Variants in G3BP1 observed in about 807,000 individuals in gnomAD.
The protein encoded by G3BP1 is ras GTPase-activating protein-binding protein 1.
G3BP1 carries 35 observed loss-of-function variants against 58.6 expected under a neutral mutation model. That is an observed-to-expected ratio of 0.60 (90% CI 0.46 to 0.79). The LOEUF (loss-of-function observed/expected upper bound fraction) is 0.79, where lower values mean the gene tolerates loss of function less well. Ranked by LOEUF, G3BP1 falls within the 30% of genes least tolerant of loss-of-function variation. The probability of loss-of-function intolerance (pLI) is 0.00; values close to 1 mark genes in which losing one functional copy is unlikely to be tolerated. For synonymous variants in G3BP1, 191 were observed against 195.4 expected (o/e 0.98, Z 0.19); for missense variants, 523 against 580.8 (o/e 0.90, Z 1.02).
chr5:151,796,662 A>AC (rs2113242884), intron 6 of G3BP1, among the ~76,000 whole-genome samples: 2 of 152,296 alleles, frequency 1.3e-5, no homozygotes, highest in Non-Finnish European at 2.9e-5. Context: ...TATGTGCTTG[A>AC]AAGAGTTTTT....
At chr5:151,801,713 C>T (rs1762852952) in intron 11 of G3BP1, among the ~76,000 whole-genome samples, 1 of 152,148 alleles carries the variant, frequency 6.6e-6, no homozygotes. Context: ...GCTTTCTGTC[C>T]CTATGAATTA....
At chr5:151,800,027 G>A (rs772606982) in intron 9 of G3BP1, 27 bp downstream of exon 9, 71 of 1,446,786 alleles carry the variant, frequency 4.9e-5, no homozygotes, top group Non-Finnish European at 6.5e-5. Context: ...GCGATTTCTC[G>A]TTTGGGGGAT....
Position 151,800,419 on chromosome 5 carries a change from A to G in G3BP1, c.1084+73A>G, listed in dbSNP as rs549223894. 16 of 1,073,528 alleles carry G rather than the reference A, an allele frequency of 1.5e-5. No individual in the cohort carries two copies. In the South Asian group the frequency reaches 2.6e-4, roughly 17 times the overall value. The allele number at this position is 1,073,528 out of a possible 1,614,324, so 66.5% of individuals were successfully genotyped here. A position where few individuals can be genotyped will look rare whatever the true frequency, so the allele number is the denominator to read the frequency against. ...CACTGTCCAGTAGCAATAGAAAATG[A>G]GCCACATATGTAATTATAAATTTTC... is the stretch of plus-strand genomic sequence containing the variant. On this transcript the variant is annotated intron_variant, in intron 10 of 11. Coordinates refer to ENST00000356245, the MANE Select transcript of G3BP1 (RefSeq NM_005754.3).
chr5:151,791,110 G>A (rs1403513682), intron 4 of G3BP1, 48 bp downstream of exon 4: 2 of 1,442,992 alleles, frequency 1.4e-6, no homozygotes, highest in East Asian at 4.5e-5. Flanking sequence ...CATGAAAAAA[G>A]AAACAATGAA....
chr5:151,794,127 G>A lies in G3BP1; in HGVS notation c.352-32G>A, dbSNP rs753612145. 7.5e-6 allele frequency: 10 copies of A among 1,329,500 alleles called. No individual in the cohort carries two copies. The South Asian group carries it at 9.4e-5, about 12-fold the overall frequency. The allele number at this position is 1,329,500 out of a possible 1,614,324, so 82.4% of individuals were successfully genotyped here. A position where few individuals can be genotyped will look rare whatever the true frequency, so the allele number is the denominator to read the frequency against. On this transcript the variant is annotated intron_variant, in intron 4 of 11. Transcript: ENST00000356245. ...TGATTTGACTTTCTAAAAGTCTGTT[G>A]AATAAATTAAAACTTTCTGTTGGCA...
intron 7 of G3BP1, among the ~76,000 whole-genome samples, chr5:151,797,877 A>G (rs1047237442): frequency 2.6e-5 from 4 of 152,184 alleles, no homozygotes; most frequent in African/African-American, 9.7e-5. Flanking sequence ...CTGAAGTAAA[A>G]CTTCTTTTCT....
At chr5:151,793,202 G>A (rs1197719578) in intron 4 of G3BP1, among the ~76,000 whole-genome samples, 6 of 152,078 alleles carry the variant, frequency 3.9e-5, no homozygotes, top group Admixed American at 6.5e-5. Flanking sequence ...TCCACCTCCC[G>A]GGTTCAAGCA....
intron 4 of G3BP1, among the ~76,000 whole-genome samples, chr5:151,793,828 A>C (rs1762700027): frequency 9.0e-6 from 1 of 110,606 alleles, no homozygotes. Flanking sequence ...TCCCGTCTCT[A>C]CTCAAAAAAA....
At chr5:151,780,311 A>G (rs1762444499) in intron 1 of G3BP1, among the ~76,000 whole-genome samples, 1 of 152,160 alleles carries the variant, frequency 6.6e-6, no homozygotes, top group African/African-American at 2.4e-5. Flanking sequence ...GCAGGTTTAT[A>G]TACATTCTAC....
chr5:151,782,057 C>G (rs969717028), intron 1 of G3BP1, among the ~76,000 whole-genome samples: 10 of 151,930 alleles, frequency 6.6e-5, no homozygotes, highest in African/African-American at 2.4e-4. Flanking sequence ...AGGAAAATAT[C>G]CATCCAGGTG....
chr5:151,786,895 T>C (rs934758650), intron 2 of G3BP1, 180 bp downstream of exon 2: 7 of 527,172 alleles, frequency 1.3e-5, no homozygotes, highest in Admixed American at 9.5e-5. Context: ...CAGACTGGAG[T>C]GCAGTGGTGC....
intron 6 of G3BP1, 95 bp from the exon 7 acceptor site, chr5:151,797,132 A>T (rs1262088510): frequency 7.5e-6 from 9 of 1,207,312 alleles, no homozygotes. Context: ...GAAGGAGCTA[A>T]CTCTGTGTTC....
chr5:151,799,121 C>T lies in G3BP1; in HGVS notation c.742-91C>T, dbSNP rs1184217023. On this transcript the variant is annotated intron_variant, in intron 7 of 11. Coordinates refer to ENST00000356245, the MANE Select transcript of G3BP1 (RefSeq NM_005754.3). ...CATCCTGCCTATGAGAATGTGTTAC[C>T]GTTTGTTCTGTACAGGAAATCAAGA... 2.3e-5 allele frequency: 17 copies of T among 730,196 alleles called. 1 individual carries two copies. The highest frequency in any genetic ancestry group is 7.8e-5 in the Admixed American group (4 of 51,398). The allele number at this position is 730,196 out of a possible 1,614,324, so 45.2% of individuals were successfully genotyped here. A position where few individuals can be genotyped will look rare whatever the true frequency, so the allele number is the denominator to read the frequency against.
intron 4 of G3BP1, chr5:151,792,050 T>G (rs1260414562): frequency 2.2e-6 from 1 of 455,942 alleles, no homozygotes; most frequent in South Asian, 1.6e-5. Context: ...TCCAGGTTCA[T>G]CTTGCACTGT....
chr5:151,792,964 C>T (rs1762685242), intron 4 of G3BP1, among the ~76,000 whole-genome samples: 1 of 152,074 alleles, frequency 6.6e-6, no homozygotes, highest in Non-Finnish European at 1.5e-5. Flanking sequence ...CTGAATAACT[C>T]ATAATATATA....
chr5:151,798,586 G>A (rs987833031), intron 7 of G3BP1, among the ~76,000 whole-genome samples: 6 of 152,218 alleles, frequency 3.9e-5, no homozygotes, highest in African/African-American at 1.4e-4. Context: ...TTTGTACAAT[G>A]GATTGGATGG....
chr5:151,785,764 T>A (rs535093424), intron 1 of G3BP1, among the ~76,000 whole-genome samples: 27 of 152,336 alleles, frequency 1.8e-4, no homozygotes, highest in Admixed American at 5.2e-4. Context: ...TGAAATTTTT[T>A]AATTACATGA....
At chr5:151,777,552 C>A (rs994991856) in intron 1 of G3BP1, among the ~76,000 whole-genome samples, 2 of 151,952 alleles carry the variant, frequency 1.3e-5, no homozygotes, top group Non-Finnish European at 1.5e-5. Flanking sequence ...GTATAATTGA[C>A]AATAAACTGC....
chr5:151,796,768 C>T (rs1762758661), intron 6 of G3BP1, among the ~76,000 whole-genome samples: 1 of 152,162 alleles, frequency 6.6e-6, no homozygotes, highest in African/African-American at 2.4e-5. Flanking sequence ...GTAGTGTTAA[C>T]TGTATAGATG....
Sources: gnomAD v4.1 joint callset for allele counts (sites outside exome capture counted in the v4.1 genomes callset) on GRCh38, gnomAD v4.1.1 for gene constraint, MANE v1.5 for transcripts, NCBI Gene and HGNC (gene_info 2026-07-23, HGNC 2026-07-21) for gene names.